Variants in NRXN3 observed in about 807,000 individuals in gnomAD.
NRXN3 encodes the protein neurexin III.
In NRXN3, 32 loss-of-function variants were observed where a neutral mutation model predicts 137.6. That is an observed-to-expected ratio of 0.23 (90% CI 0.18 to 0.31). The LOEUF (loss-of-function observed/expected upper bound fraction) is 0.31, where lower values mean the gene tolerates loss of function less well. Ranked by LOEUF, NRXN3 falls within the 10% of genes least tolerant of loss-of-function variation. The probability of loss-of-function intolerance (pLI) is 1.00; values close to 1 mark genes in which losing one functional copy is unlikely to be tolerated. For synonymous variants in NRXN3, 798 were observed against 784.5 expected (o/e 1.02, Z -0.29); for missense variants, 1,574 against 2,062.5 (o/e 0.76, Z 4.59).
chr14:78,784,449 T>A (rs1317156617), intron 8 of NRXN3, among the ~76,000 whole-genome samples: 1 of 152,196 alleles, frequency 6.6e-6, no homozygotes, highest in African/African-American at 2.4e-5. Context: ...ACTGGCACAC[T>A]TTTGAGTAAA....
intron 5 of NRXN3, among the ~76,000 whole-genome samples, chr14:78,650,198 A>G (rs1022708457): frequency 6.6e-5 from 10 of 151,948 alleles, no homozygotes; most frequent in Non-Finnish European, 2.9e-5. Context: ...GGTTTGTTCA[A>G]TGCATGTAAG....
intron 19 of NRXN3, among the ~76,000 whole-genome samples, chr14:79,741,905 C>CAT (rs2098964610): frequency 2.0e-5 from 3 of 151,912 alleles, no homozygotes; most frequent in Non-Finnish European, 1.5e-5. Flanking sequence ...ACACACACAA[C>CAT]ATATACATAT....
intron 19 of NRXN3, among the ~76,000 whole-genome samples, chr14:79,779,421 GTTATTGAT>G (rs2140056017): frequency 6.6e-6 from 1 of 152,086 alleles, no homozygotes; most frequent in East Asian, 1.9e-4. Context: ...CCAATCAATT[GTTATTGAT>G]TTATTACTGA....
chr14:78,473,132 G>T (rs976421523), intron 4 of NRXN3, among the ~76,000 whole-genome samples: 3 of 152,070 alleles, frequency 2.0e-5, no homozygotes, highest in African/African-American at 7.2e-5. Flanking sequence ...GCCGGGCGTG[G>T]TGGCTCAAGC....
chr14:79,703,324 A>C (rs2098762754), intron 19 of NRXN3, among the ~76,000 whole-genome samples: 1 of 152,172 alleles, frequency 6.6e-6, no homozygotes, highest in Non-Finnish European at 1.5e-5. Flanking sequence ...CTTGATACTG[A>C]TGATTACAAA....
At chr14:78,882,120 T>G (rs541012805) in intron 10 of NRXN3, among the ~76,000 whole-genome samples, 54 of 151,966 alleles carry the variant, frequency 3.6e-4, no homozygotes, top group South Asian at 2.1e-4. Context: ...TTGAGTTTGG[T>G]GAACTTCTGC....
Position 79,635,773 on chromosome 14 carries a change from C to T in NRXN3, c.3445-28005C>T, listed in dbSNP as rs1160554504. 2.4e-4 allele frequency among the ~76,000 whole-genome samples: 36 copies of T among 152,142 alleles called. 2 individuals are homozygous for T. Among genetic ancestry groups the T allele is most frequent in the Admixed American group, 2.4e-3 (36 of 15,286 alleles). On this transcript the variant is annotated intron_variant, in intron 16 of 20. Coordinates refer to ENST00000335750, the MANE Select transcript of NRXN3 (RefSeq NM_001330195.2). ...TCATAAAGGAAAGAGGTTTCATTGA[C>T]TCGCAATTCCACATGGCTGGGAAGG...
chr14:78,314,925 T>TTCTTTCTTTCTTTCTTTCTC, intron 4 of NRXN3, among the ~76,000 whole-genome samples: 1 of 120,754 alleles, frequency 8.3e-6, no homozygotes, highest in South Asian at 2.9e-4. Flanking sequence ...CTTTCTTTCT[T>TTCTTTCTTTCTTTCTTTCTC]TCTTTCTTTC....
chr14:79,265,231 C>CTTTTTTTTTT (rs936690790), intron 15 of NRXN3, among the ~76,000 whole-genome samples: 1 of 91,912 alleles, frequency 1.1e-5, no homozygotes, highest in African/African-American at 3.9e-5. Flanking sequence ...GGGGGTTGCT[C>CTTTTTTTTTT]TTTTTTTTTT....
intron 1 of NRXN3, among the ~76,000 whole-genome samples, chr14:78,216,094 T>C (rs2063250098): frequency 6.6e-6 from 1 of 152,226 alleles, no homozygotes; most frequent in Non-Finnish European, 1.5e-5. Context: ...TGCGGCCATT[T>C]TTCCGTGTGT....
At chr14:79,029,342 A>G (rs8009329) in intron 15 of NRXN3, among the ~76,000 whole-genome samples, 86,161 of 151,996 alleles carry the variant, frequency 0.57, 25,759 homozygotes, top group East Asian at 0.81. Context: ...AATAAAGCAT[A>G]TTGTCAAACT....
At chr14:79,034,391 A>G (rs1020032008) in intron 15 of NRXN3, among the ~76,000 whole-genome samples, 1 of 79,784 alleles carries the variant, frequency 1.3e-5, no homozygotes, top group Non-Finnish European at 2.7e-5. Flanking sequence ...TTTTTTGGAA[A>G]AAAAACATGT....
chr14:79,172,138 T>C (rs931130372), intron 15 of NRXN3, among the ~76,000 whole-genome samples: 1 of 151,306 alleles, frequency 6.6e-6, no homozygotes, highest in Non-Finnish European at 1.5e-5. Flanking sequence ...GAGCAAACAA[T>C]ACATGAAGAA....
At chr14:79,120,798 A>G (rs752104282) in intron 15 of NRXN3, among the ~76,000 whole-genome samples, 26 of 152,212 alleles carry the variant, frequency 1.7e-4, no homozygotes, top group Admixed American at 8.5e-4. Context: ...GTGTTGTTCA[A>G]CATACATAGT....
chr14:78,899,321 G>A (rs1285686593), intron 10 of NRXN3, among the ~76,000 whole-genome samples: 1 of 151,980 alleles, frequency 6.6e-6, no homozygotes, highest in East Asian at 1.9e-4. Flanking sequence ...GGAGCCTTGT[G>A]TTCTGGTTTT....
intron 4 of NRXN3, among the ~76,000 whole-genome samples, chr14:78,314,990 T>G (rs61976026): frequency 1.5e-5 from 1 of 64,938 alleles, no homozygotes; most frequent in Non-Finnish European, 2.9e-5. Flanking sequence ...TTCCTTCCTT[T>G]CTCTTTCTTT....
chr14:78,740,847 GT>G (rs2098565362), intron 8 of NRXN3, among the ~76,000 whole-genome samples: 1 of 151,188 alleles, frequency 6.6e-6, no homozygotes, highest in African/African-American at 2.4e-5. Context: ...TTTTCTTTTG[GT>G]TAGCTCTGAT....
At chr14:79,111,249 A>G (rs927115519) in intron 15 of NRXN3, among the ~76,000 whole-genome samples, 6 of 152,204 alleles carry the variant, frequency 3.9e-5, no homozygotes, top group African/African-American at 1.4e-4. Context: ...TTGCCTCTGG[A>G]AGGCCAAATA....
At chr14:78,925,941 A>C (rs1221888075) in intron 10 of NRXN3, among the ~76,000 whole-genome samples, 1 of 152,210 alleles carries the variant, frequency 6.6e-6, no homozygotes, top group African/African-American at 2.4e-5. Context: ...ATATTATGTA[A>C]AACTCACTGA....
Sources: allele counts gnomAD v4.1 joint callset (sites outside exome capture counted in the v4.1 genomes callset), GRCh38; gene constraint gnomAD v4.1.1; transcripts MANE v1.5; gene names NCBI Gene and HGNC (gene_info 2026-07-23, HGNC 2026-07-21).